The following SV2C variants were observed in gnomAD, a reference collection of about 807,000 sequenced individuals.
SV2C encodes solute carrier family 22 member B3.
In SV2C, 49 loss-of-function variants were observed where a neutral mutation model predicts 79.7. The ratio of observed to expected loss-of-function variants is 0.61; its 90% confidence interval spans 0.49 to 0.78. The LOEUF (loss-of-function observed/expected upper bound fraction) is 0.78, where lower values mean the gene tolerates loss of function less well. Ranked by LOEUF, SV2C falls within the 30% of genes least tolerant of loss-of-function variation. The pLI is 0.00. For missense variants in SV2C, 833 were observed against 912.9 expected, an observed-to-expected ratio of 0.91 and a Z score of 1.13; for synonymous variants, 334 against 333.2, an observed-to-expected ratio of 1.00 and a Z score of -0.03.
the SV2C span, among the ~76,000 whole-genome samples, chr5:75,881,982 G>A: frequency 0.1 from 13,412 of 134,452 alleles, 1,359 homozygotes; most frequent in African/African-American, 0.25. Flanking sequence ...ATCAATACCT[G>A]ATTTATTGAG....
chr5:75,850,637 T>TAA, the SV2C span, among the ~76,000 whole-genome samples: 54 of 149,236 alleles, frequency 3.6e-4, no homozygotes, highest in Admixed American at 1.6e-3. Flanking sequence ...TAAAGTATAA[T>TAA]AAAAAAAAAA....
the SV2C span, among the ~76,000 whole-genome samples, chr5:75,971,579 C>G: frequency 6.6e-6 from 1 of 152,070 alleles, no homozygotes; most frequent in Non-Finnish European, 1.5e-5. Context: ...TTCACAATTG[C>G]TTCAAAGAGA....
chr5:76,015,779 A>G, the SV2C span, among the ~76,000 whole-genome samples: 494 of 152,260 alleles, frequency 3.2e-3, 4 homozygotes, highest in East Asian at 0.039. Context: ...AATCATTTAA[A>G]TATTTTTTAC....
rs775277365 is a variant in SV2C, at chr5:76,173,967, T to G, written c.581-20952T>G. 7 of 1,561,054 alleles carry G rather than the reference T, an allele frequency of 4.5e-6. No individual in the cohort carries two copies. The South Asian group carries it at 5.6e-5, about 12-fold the overall frequency. ...ACTAATGCAAACCCTTGTCCATTTT[T>G]CATGTATAAATCCCTCATTGCTGTA... On this transcript the variant is annotated intron_variant, in intron 2 of 12. Transcript: ENST00000502798.
At chr5:76,239,943 C>T (rs1367196417) in intron 4 of SV2C, among the ~76,000 whole-genome samples, 3 of 152,178 alleles carry the variant, frequency 2.0e-5, no homozygotes, top group African/African-American at 7.2e-5. Context: ...TTCTTTGCAA[C>T]ATGATTTTGT....
At chr5:76,103,298 C>T (rs1747801949) in intron 1 of SV2C, among the ~76,000 whole-genome samples, 1 of 152,022 alleles carries the variant, frequency 6.6e-6, no homozygotes, top group Non-Finnish European at 1.5e-5. Flanking sequence ...TGAGCTTATT[C>T]CTAATTTAAA....
chr5:76,212,222 C>T (rs908171909), intron 4 of SV2C, among the ~76,000 whole-genome samples: 1 of 152,136 alleles, frequency 6.6e-6, no homozygotes, highest in African/African-American at 2.4e-5. Flanking sequence ...TCAGGAATTG[C>T]TTTATAGGAA....
chr5:76,159,588 T>C (rs1455135890), intron 2 of SV2C, among the ~76,000 whole-genome samples: 1 of 152,152 alleles, frequency 6.6e-6, no homozygotes, highest in Admixed American at 6.5e-5. Flanking sequence ...TTTCCTTTTC[T>C]AGTGTCTGGT....
the SV2C span, among the ~76,000 whole-genome samples, chr5:75,902,587 A>G: frequency 2.0e-5 from 3 of 152,282 alleles, no homozygotes; most frequent in Admixed American, 2.0e-4. Context: ...CCAGAGCTCA[A>G]ATGGTCTATT....
chr5:76,147,798 T>C (rs1749483726), intron 2 of SV2C, among the ~76,000 whole-genome samples: 1 of 152,230 alleles, frequency 6.6e-6, no homozygotes, highest in Non-Finnish European at 1.5e-5. Flanking sequence ...TCTACAAGAG[T>C]CAAAGCTCTT....
At chr5:76,296,781 G>A (rs1437165035) in intron 9 of SV2C, among the ~76,000 whole-genome samples, 4 of 152,198 alleles carry the variant, frequency 2.6e-5, no homozygotes, top group African/African-American at 9.7e-5. Context: ...TATGATCTAT[G>A]TAATGGAAAA....
the SV2C span, among the ~76,000 whole-genome samples, chr5:75,970,056 T>C: frequency 4.5e-3 from 687 of 151,998 alleles, 12 homozygotes; most frequent in African/African-American, 0.015. Flanking sequence ...AACTGAACAA[T>C]CTGCTCCTGA....
At chr5:75,890,802 T>G in the SV2C span, among the ~76,000 whole-genome samples, 1 of 151,902 alleles carries the variant, frequency 6.6e-6, no homozygotes, top group African/African-American at 2.4e-5. Context: ...GCAGTGGAGG[T>G]GGGTGAGAGA....
intron 2 of SV2C, among the ~76,000 whole-genome samples, chr5:76,166,607 G>GAATTAAAATAAAACTACCTTTGTAGAT (rs1426455467): frequency 2.0e-4 from 31 of 152,082 alleles, no homozygotes; most frequent in South Asian, 8.3e-4. Flanking sequence ...TAGGAGCTAG[G>GAATTAAAATAAAACTACCTTTGTAGAT]GTCAAACCAG....
the SV2C span, among the ~76,000 whole-genome samples, chr5:76,025,173 G>GTTT: frequency 5.1e-5 from 7 of 138,452 alleles, no homozygotes; most frequent in Non-Finnish European, 6.3e-5. Flanking sequence ...CCTTGAGCAC[G>GTTT]TTTTTTTTTT....
chr5:76,077,640 G>A, the SV2C span, among the ~76,000 whole-genome samples: 1 of 152,142 alleles, frequency 6.6e-6, no homozygotes, highest in Admixed American at 6.5e-5. Flanking sequence ...TTGCCAAACT[G>A]CCTTCCTAGA....
chr5:76,097,693 G>A (rs969279002), intron 1 of SV2C, among the ~76,000 whole-genome samples: 8 of 152,026 alleles, frequency 5.3e-5, no homozygotes, highest in African/African-American at 1.7e-4. Flanking sequence ...GTTATTACTA[G>A]GTGCTTTTGA....
intron 2 of SV2C, chr5:76,174,152 G>A (rs749203020): frequency 1.9e-6 from 3 of 1,612,406 alleles, no homozygotes; most frequent in Admixed American, 3.3e-5. Flanking sequence ...AACGCCTCGT[G>A]AGCCAAGAAC....
At chr5:76,105,827 T>A (rs1188757266) in intron 1 of SV2C, among the ~76,000 whole-genome samples, 2 of 152,148 alleles carry the variant, frequency 1.3e-5, no homozygotes, top group Non-Finnish European at 2.9e-5. Flanking sequence ...CTCAATCTTC[T>A]TTGCTGGTTT....
Sources: allele counts gnomAD v4.1 joint callset (sites outside exome capture counted in the v4.1 genomes callset), GRCh38; gene constraint gnomAD v4.1.1; transcripts MANE v1.5; gene names NCBI Gene and HGNC (gene_info 2026-07-23, HGNC 2026-07-21).